Variants in SLC4A4 observed in about 807,000 individuals in gnomAD.
SLC4A4 encodes the protein electrogenic sodium bicarbonate cotransporter 1.
In SLC4A4, 27 loss-of-function variants were observed where a neutral mutation model predicts 111.5. That is an observed-to-expected ratio of 0.24 (90% confidence interval 0.18 to 0.33). The LOEUF is 0.33. Among genes scored for constraint, SLC4A4 ranks in the 10% least tolerant of loss-of-function variants. The probability of loss-of-function intolerance (pLI) is 1.00; values close to 1 mark genes in which losing one functional copy is unlikely to be tolerated. For missense variants in SLC4A4, 909 were observed against 1,315.5 expected, an observed-to-expected ratio of 0.69 and a Z score of 4.78; for synonymous variants, 443 against 463.4, an observed-to-expected ratio of 0.96 and a Z score of 0.57.
At chr4:71,416,544 G>A (rs560736521) in intron 7 of SLC4A4, among the ~76,000 whole-genome samples, 10 of 152,226 alleles carry the variant, frequency 6.6e-5, no homozygotes, top group African/African-American at 2.4e-4. Context: ...AGATAAGGGG[G>A]AATTTCTAAA....
intron 3 of SLC4A4, among the ~76,000 whole-genome samples, chr4:71,265,466 A>G (rs541978753): frequency 6.6e-6 from 1 of 152,298 alleles, no homozygotes; most frequent in South Asian, 2.1e-4. Flanking sequence ...CTGAAAGTAA[A>G]AGGAGAGAGA....
chr4:71,113,702 G>A (rs527685229), intron 2 of SLC4A4, among the ~76,000 whole-genome samples: 1 of 152,236 alleles, frequency 6.6e-6, no homozygotes, highest in Non-Finnish European at 1.5e-5. Flanking sequence ...AGATTCACCG[G>A]GTTAGGGGTC....
At chr4:71,286,581 A>G (rs1277955923) in intron 3 of SLC4A4, among the ~76,000 whole-genome samples, 1 of 152,244 alleles carries the variant, frequency 6.6e-6, no homozygotes, top group African/African-American at 2.4e-5. Flanking sequence ...GTTAGGCCAA[A>G]CATTACATGT....
Position 71,472,929 on chromosome 4 carries a change from A to G in SLC4A4, c.1862A>G (p.Tyr621Cys). The G allele has an allele frequency of 6.2e-7, 1 of 1,612,998 alleles. No individual in the cohort carries two copies. Among genetic ancestry groups the G allele is most frequent in the Non-Finnish European group, 8.5e-7 (1 of 1,179,350 alleles). ...YPINSNFKVG[Y>C]NTLFSCTCVP... The stretch of plus-strand genomic sequence containing the variant: ...ATCAACTCCAACTTCAAAGTGGGCT[A>G]CAACACTCTCTTTTCCTGTACCTGT... Residue 621 changes from tyrosine to cysteine, a missense_variant, in exon 14 of 26, where the codon TAC becomes TGC. By Grantham distance (194) the Tyr-to-Cys change is radical. Around this residue, in one of 7 missense-constraint regions of SLC4A4, gnomAD observed 264 missense variants for 356.8 expected, o/e 0.74. Transcript: ENST00000264485.
chr4:71,143,558 C>T (rs1335650224), intron 2 of SLC4A4, among the ~76,000 whole-genome samples: 1 of 152,176 alleles, frequency 6.6e-6, no homozygotes, highest in African/African-American at 2.4e-5. Flanking sequence ...AGTTTACAGT[C>T]CCATCAACAG....
chr4:71,418,942 T>C (rs1421338744), intron 7 of SLC4A4, among the ~76,000 whole-genome samples: 1 of 152,174 alleles, frequency 6.6e-6, no homozygotes, highest in Non-Finnish European at 1.5e-5. Context: ...TCTGTTGGAG[T>C]TTGCTAGAGG....
intron 6 of SLC4A4, among the ~76,000 whole-genome samples, chr4:71,377,657 C>T (rs549614237): frequency 1.3e-5 from 2 of 152,280 alleles, no homozygotes; most frequent in South Asian, 4.2e-4. Flanking sequence ...GGTCTCTGCT[C>T]ATCATTGTTA....
intron 8 of SLC4A4, among the ~76,000 whole-genome samples, chr4:71,442,810 T>C (rs987575751): frequency 4.6e-5 from 7 of 152,080 alleles, no homozygotes; most frequent in Non-Finnish European, 7.3e-5. Context: ...CTAGGAAATA[T>C]GGCTCTAGCA....
intron 1 of SLC4A4, among the ~76,000 whole-genome samples, chr4:71,221,931 G>A (rs938817500): frequency 6.6e-6 from 1 of 152,144 alleles, no homozygotes; most frequent in Non-Finnish European, 1.5e-5. Context: ...TGATCCAGCA[G>A]ACCCCACCTG....
chr4:71,328,998 A>T (rs1180538566), intron 3 of SLC4A4, among the ~76,000 whole-genome samples: 1 of 151,978 alleles, frequency 6.6e-6, no homozygotes, highest in Non-Finnish European at 1.5e-5. Flanking sequence ...TTTTGTATAT[A>T]GTGAGAGATA....
In SLC4A4 at chr4:71,453,490, C is replaced by A; in HGVS notation, c.1323-5C>A. The A allele has an allele frequency of 6.2e-7, 1 of 1,613,566 alleles. No individual in the cohort carries two copies. The highest frequency in any genetic ancestry group is 8.5e-7 in the Non-Finnish European group (1 of 1,179,598). ...TTAGTGGATGTTTGCATTCTCTCTG[C>A]CCAGGTTCTGTGGTGGACTAATTAA... On this transcript the variant is annotated splice_region_variant and splice_polypyrimidine_tract_variant and intron_variant, in intron 11 of 25. Transcript: ENST00000264485.
chr4:71,185,018 C>T (rs934939021), upstream of SLC4A4, among the ~76,000 whole-genome samples: 2 of 152,154 alleles, frequency 1.3e-5, no homozygotes, highest in Admixed American at 6.6e-5. Context: ...CTCCCTGCCT[C>T]CCACCCCACA....
rs529724555 is a variant in SLC4A4, at chr4:71,085,675, T to G, written c.-64-7055T>G. On this transcript the variant is annotated intron_variant, in intron 1 of 26. Transcript: ENST00000649996. ...TATTAAATAGGGAATCCTTTCCCCA[T>G]TGCTTGTTTTTGTCAGGTTTGTCAA... Among the ~76,000 whole-genome samples, 636 of 152,234 alleles carry G rather than the reference T, an allele frequency of 4.2e-3. 5 individuals carry two copies. Among genetic ancestry groups the G allele is most frequent in the Non-Finnish European group, 7.2e-3 (491 of 68,028 alleles).
intron 1 of SLC4A4, among the ~76,000 whole-genome samples, chr4:71,194,864 A>C (rs1745912309): frequency 1.3e-5 from 2 of 152,172 alleles, no homozygotes; most frequent in Admixed American, 6.5e-5. Flanking sequence ...TTTTCAGCTT[A>C]ATATAAATAA....
rs6857989 is a variant in SLC4A4, at chr4:71,477,889, C to G, written c.1903+4919C>G. Reference sequence around the variant, plus strand: ...GTCCATCTGACAGAAGGCTAATATCCAGAATCTACAAAAAATTTAAACAAA... The same window carrying G: ...GTCCATCTGACAGAAGGCTAATATCGAGAATCTACAAAAAATTTAAACAAA... On this transcript the variant is annotated intron_variant, in intron 14 of 25. Coordinates refer to ENST00000264485, the MANE Select transcript of SLC4A4 (RefSeq NM_001098484.3). 9.7e-3 allele frequency among the ~76,000 whole-genome samples: 1,476 copies of G among 151,856 alleles called. 23 individuals are homozygous for G. The highest frequency in any genetic ancestry group is 0.034 in the African/African-American group (1,416 of 41,422).
At chr4:71,411,165 G>T (rs1721328753) in intron 7 of SLC4A4, among the ~76,000 whole-genome samples, 1 of 152,142 alleles carries the variant, frequency 6.6e-6, no homozygotes, top group South Asian at 2.1e-4. Context: ...AGATGTGCCA[G>T]GTTTTCTCCC....
chr4:71,506,421 A>T (rs1388781537), intron 16 of SLC4A4, among the ~76,000 whole-genome samples: 1 of 151,946 alleles, frequency 6.6e-6, no homozygotes, highest in African/African-American at 2.4e-5. Context: ...CATTAGCTGT[A>T]TTCCTAGGTA....
rs376984344 is a variant in SLC4A4, at chr4:71,397,315, G to A, written c.731-262G>A. Among the ~76,000 whole-genome samples, 22 of 152,322 alleles carry A rather than the reference G, an allele frequency of 1.4e-4. No homozygotes were observed. In the South Asian group the frequency reaches 3.9e-3, roughly 27 times the overall value. On this transcript the variant is annotated intron_variant, in intron 6 of 25. Coordinates refer to ENST00000264485, the MANE Select transcript of SLC4A4 (RefSeq NM_001098484.3). ...TATTTTTATGCTTATTGTCTTAGAA[G>A]TTTCTTTCAAAGTTTAGCTTACCTT...
In SLC4A4 at chr4:71,302,481, T is replaced by G. The variant is rs550964117; in HGVS notation, c.254-36889T>G. On this transcript the variant is annotated intron_variant, in intron 3 of 25. Coordinates refer to ENST00000264485, the MANE Select transcript of SLC4A4 (RefSeq NM_001098484.3). Reference sequence around the variant, plus strand: ...GAAGGTAACAGGTATCCCTTATCAATGAAAATTACCTTTAAAAGTATAAAG... The same window carrying G: ...GAAGGTAACAGGTATCCCTTATCAAGGAAAATTACCTTTAAAAGTATAAAG... Among the ~76,000 whole-genome samples the G allele has an allele frequency of 2.6e-5, 4 of 152,332 alleles. No homozygotes were observed. In the South Asian group the frequency reaches 8.3e-4, roughly 32 times the overall value.
Sources: gnomAD v4.1 joint callset for allele counts (sites outside exome capture counted in the v4.1 genomes callset) on GRCh38, gnomAD v4.1.1 for gene constraint, gnomAD v4.1.1 regional missense constraint, MANE v1.5 for transcripts, NCBI Gene and HGNC (gene_info 2026-07-23, HGNC 2026-07-21) for gene names.